NUDCD3: variants seen among roughly 807,000 people sequenced by gnomAD.
NUDCD3 encodes the protein nudC domain-containing protein 3.
In NUDCD3, 13 loss-of-function variants were observed where a neutral mutation model predicts 39.7. The ratio of observed to expected loss-of-function variants is 0.33; its 90% confidence interval spans 0.21 to 0.52. NUDCD3 has a LOEUF of 0.52. Ranked by LOEUF, NUDCD3 falls within the 20% of genes least tolerant of loss-of-function variation. The pLI, the probability that NUDCD3 is intolerant of heterozygous loss-of-function variation, is 0.96. For missense variants in NUDCD3, 453 were observed against 458.1 expected, an observed-to-expected ratio of 0.99 and a Z score of 0.10; for synonymous variants, 175 against 172.4, an observed-to-expected ratio of 1.02 and a Z score of -0.12.
At chr7:44,408,264 A>G (rs1241246557) in intron 3 of NUDCD3, among the ~76,000 whole-genome samples, 2 of 152,234 alleles carry the variant, frequency 1.3e-5, no homozygotes, top group Admixed American at 6.5e-5. Context: ...TTTGAGAAAA[A>G]CAAAATGAGG....
chr7:44,413,057 A>C (rs1408359222), intron 3 of NUDCD3: 1 of 152,204 alleles, frequency 6.6e-6, no homozygotes, highest in East Asian at 1.9e-4. Flanking sequence ...ATAACTGACC[A>C]AAGAAACTCT....
At chr7:44,460,580 G>GA (rs35687267) in intron 2 of NUDCD3, among the ~76,000 whole-genome samples, 9 of 149,038 alleles carry the variant, frequency 6.0e-5, no homozygotes, top group Non-Finnish European at 1.3e-4. Flanking sequence ...GACTAACCAA[G>GA]AAAAAAAAAA....
At position 44,431,013 on chromosome 7, in the gene NUDCD3, G is replaced by A. The variant is rs1056715645; in HGVS notation, c.510-3310C>T. Among the ~76,000 whole-genome samples, 7 of 152,320 alleles carry A rather than the reference G, an allele frequency of 4.6e-5. No individual in the cohort carries two copies. The East Asian group carries it at 1.2e-3, about 25-fold the overall frequency. ...TGCAGATTCCCTCCAAAGGAAGCAG[G>A]AGAATCACTCCTAAAACAGCCCTTG... On this transcript the variant is annotated intron_variant, in intron 2 of 5. Transcript: ENST00000355451.
chr7:44,438,147 G>A (rs1799501280), intron 2 of NUDCD3, among the ~76,000 whole-genome samples: 1 of 152,068 alleles, frequency 6.6e-6, no homozygotes, highest in South Asian at 2.1e-4. Flanking sequence ...CTTGAGGGCA[G>A]GAGTTCGAGA....
At chr7:44,483,747 T>C (rs796115666) in intron 2 of NUDCD3, among the ~76,000 whole-genome samples, 2 of 152,274 alleles carry the variant, frequency 1.3e-5, no homozygotes, top group African/African-American at 4.8e-5. Flanking sequence ...CTTTGCTTCA[T>C]TAACTAGAAA....
chr7:44,480,942 A>C (rs1800476850), intron 2 of NUDCD3, among the ~76,000 whole-genome samples: 1 of 80,478 alleles, frequency 1.2e-5, no homozygotes, highest in Non-Finnish European at 2.6e-5. Context: ...ACCCAGTATC[A>C]AAAAAAAAAA....
At chr7:44,395,344 G>A (rs1006983049) in intron 4 of NUDCD3, among the ~76,000 whole-genome samples, 14 of 152,178 alleles carry the variant, frequency 9.2e-5, no homozygotes, top group African/African-American at 3.4e-4. Flanking sequence ...GCATCAGTGT[G>A]GTATTTTATG....
At chr7:44,426,790 C>A (rs1450611294) in intron 3 of NUDCD3, among the ~76,000 whole-genome samples, 1 of 142,590 alleles carries the variant, frequency 7.0e-6, no homozygotes, top group African/African-American at 2.6e-5. Context: ...AGCGAGACTC[C>A]GTCTCAAAAA....
chr7:44,467,141 G>T (rs1436539399), intron 2 of NUDCD3, among the ~76,000 whole-genome samples: 1 of 152,180 alleles, frequency 6.6e-6, no homozygotes, highest in Admixed American at 6.5e-5. Context: ...TACAGGGCCT[G>T]CTGAACCAGC....
chr7:44,394,280 C>T (rs887409180), intron 4 of NUDCD3, among the ~76,000 whole-genome samples: 5 of 152,316 alleles, frequency 3.3e-5, no homozygotes, highest in Admixed American at 6.5e-5. Context: ...CAGTAAATGA[C>T]GCTGCTCTGC....
At chr7:44,466,299 G>A (rs946693907) in intron 2 of NUDCD3, among the ~76,000 whole-genome samples, 4 of 152,176 alleles carry the variant, frequency 2.6e-5, no homozygotes, top group African/African-American at 4.8e-5. Context: ...CAACCCACTC[G>A]GGCAAGGGAT....
At chr7:44,403,161 G>A (rs1044957540) in intron 4 of NUDCD3, among the ~76,000 whole-genome samples, 1 of 152,204 alleles carries the variant, frequency 6.6e-6, no homozygotes, top group African/African-American at 2.4e-5. Context: ...GAATGCCATG[G>A]GCAGGGGAGC....
chr7:44,448,613 C>T (rs543495608), intron 2 of NUDCD3, among the ~76,000 whole-genome samples: 1 of 152,200 alleles, frequency 6.6e-6, no homozygotes, highest in South Asian at 2.1e-4. Context: ...GAACTGTCTC[C>T]AAAGAATGAT....
Position 44,450,378 on chromosome 7 carries a change from A to G in NUDCD3, c.510-22675T>C, listed in dbSNP as rs140676157. On this transcript the variant is annotated intron_variant, in intron 2 of 5. Coordinates refer to ENST00000355451, the MANE Select transcript of NUDCD3 (RefSeq NM_015332.4). Reference sequence around the variant, plus strand: ...TGTTTAGTAGAGGTGGGGTTTCACCATGTTGGCAAGACTGGTCTCAAACTC... The same window carrying G: ...TGTTTAGTAGAGGTGGGGTTTCACCGTGTTGGCAAGACTGGTCTCAAACTC... Among the ~76,000 whole-genome samples, 867 of 152,134 alleles carry G rather than the reference A, an allele frequency of 5.7e-3. 5 individuals are homozygous for G. Among genetic ancestry groups the G allele is most frequent in the African/African-American group, 0.02 (825 of 41,534 alleles).
chr7:44,389,157 C>T (rs1403710262), intron 5 of NUDCD3, among the ~76,000 whole-genome samples: 1 of 152,278 alleles, frequency 6.6e-6, no homozygotes, highest in Admixed American at 6.5e-5. Context: ...ATGCCAGTTG[C>T]ACCCTATGAT....
intron 4 of NUDCD3, among the ~76,000 whole-genome samples, chr7:44,397,438 C>T (rs1798644910): frequency 6.6e-6 from 1 of 152,194 alleles, no homozygotes; most frequent in South Asian, 2.1e-4. Context: ...CTACCAGTAG[C>T]ACAGAAGAGC....
chr7:44,420,236 A>T (rs190723294), intron 3 of NUDCD3, among the ~76,000 whole-genome samples: 38 of 152,150 alleles, frequency 2.5e-4, no homozygotes, highest in Admixed American at 1.6e-3. Context: ...AATCAAGCAG[A>T]AGAAAGAATA....
intron 2 of NUDCD3, among the ~76,000 whole-genome samples, chr7:44,430,292 C>T (rs1353630019): frequency 1.3e-5 from 2 of 152,092 alleles, no homozygotes; most frequent in Non-Finnish European, 2.9e-5. Context: ...GAGCAGGGTA[C>T]GAAGGAGTCA....
chr7:44,418,484 A>G (rs1799071914), intron 3 of NUDCD3, among the ~76,000 whole-genome samples: 1 of 152,238 alleles, frequency 6.6e-6, no homozygotes, highest in Admixed American at 6.5e-5. Context: ...TCATTCATTC[A>G]AAAACTTATC....
Sources: allele counts gnomAD v4.1 joint callset (sites outside exome capture counted in the v4.1 genomes callset), GRCh38; gene constraint gnomAD v4.1.1; transcripts MANE v1.5; gene names NCBI Gene and HGNC (gene_info 2026-07-23, HGNC 2026-07-21).